TRERF1: variants seen among roughly 807,000 people sequenced by gnomAD.
The protein encoded by TRERF1 is transcriptional-regulating factor 1.
Under a neutral mutation model 122.9 loss-of-function variants are expected in TRERF1, and 27 were observed. That is an observed-to-expected ratio of 0.22 (90% CI 0.16 to 0.30). TRERF1 has a LOEUF of 0.30. Ranked by LOEUF, TRERF1 falls within the 10% of genes least tolerant of loss-of-function variation. The probability of loss-of-function intolerance (pLI) is 1.00; values close to 1 mark genes in which losing one functional copy is unlikely to be tolerated. For missense variants in TRERF1, 1,248 were observed against 1,560.3 expected, an observed-to-expected ratio of 0.80 and a Z score of 3.37; for synonymous variants, 636 against 641.7, an observed-to-expected ratio of 0.99 and a Z score of 0.13.
intron 8 of TRERF1, among the ~76,000 whole-genome samples, chr6:42,262,766 G>A (rs991330808): frequency 2.0e-5 from 3 of 152,158 alleles, no homozygotes; most frequent in African/African-American, 7.2e-5. Context: ...AACGAATTAG[G>A]TTCTCCAGGG....
intron 5 of TRERF1, among the ~76,000 whole-genome samples, chr6:42,266,571 C>T (rs1401135455): frequency 3.9e-5 from 6 of 152,122 alleles, no homozygotes; most frequent in Admixed American, 3.9e-4. Flanking sequence ...GGTTCTGAAC[C>T]CCAGACAAAA....
intron 2 of TRERF1, among the ~76,000 whole-genome samples, chr6:42,370,042 A>C (rs752990738): frequency 2.0e-5 from 3 of 152,086 alleles, no homozygotes; most frequent in Non-Finnish European, 4.4e-5. Context: ...ATCCCTTCTA[A>C]ATGTCTCCCC....
intron 2 of TRERF1, among the ~76,000 whole-genome samples, chr6:42,389,921 C>G (rs1176093333): frequency 6.6e-6 from 1 of 152,252 alleles, no homozygotes; most frequent in East Asian, 1.9e-4. Flanking sequence ...CTCTCTCCAT[C>G]TGGCCAGCCA....
At position 42,244,457 on chromosome 6, in the gene TRERF1, T is replaced by G. The variant is rs1034570932; in HGVS notation, c.2746-1096A>C. Among the ~76,000 whole-genome samples, 14 of 152,254 alleles carry G rather than the reference T, an allele frequency of 9.2e-5. No individual in the cohort carries two copies. The East Asian group carries it at 2.7e-3, about 29-fold the overall frequency. On this transcript the variant is annotated intron_variant, in intron 14 of 17. Transcript: ENST00000372922. Reference sequence around the variant, plus strand: ...CCTTGGCCTCCCAAAGTGCTGGGATTACAGGTGTGAGCCACTGTGCCTGGC... The same window carrying G: ...CCTTGGCCTCCCAAAGTGCTGGGATGACAGGTGTGAGCCACTGTGCCTGGC...
chr6:42,413,204 G>A (rs1781367075), intron 2 of TRERF1, among the ~76,000 whole-genome samples: 2 of 152,138 alleles, frequency 1.3e-5, no homozygotes, highest in African/African-American at 2.4e-5. Context: ...GAATTTCATT[G>A]CAATAGTTAG....
chr6:42,272,143 C>T (rs1218878708), intron 4 of TRERF1, among the ~76,000 whole-genome samples: 1 of 152,182 alleles, frequency 6.6e-6, no homozygotes, highest in African/African-American at 2.4e-5. Flanking sequence ...TGTGTGTAAA[C>T]TTAAAACTGT....
At chr6:42,345,853 C>A (rs1179563200) in intron 3 of TRERF1, among the ~76,000 whole-genome samples, 1 of 152,224 alleles carries the variant, frequency 6.6e-6, no homozygotes, top group Non-Finnish European at 1.5e-5. Context: ...CATAGGAAAC[C>A]AACCCAGTGA....
intron 4 of TRERF1, among the ~76,000 whole-genome samples, chr6:42,299,357 A>C (rs1019556006): frequency 2.6e-5 from 4 of 152,206 alleles, no homozygotes; most frequent in Non-Finnish European, 5.9e-5. Flanking sequence ...ACCTAAAAGA[A>C]AGAGCAGAAA....
chr6:42,377,126 A>G (rs1775032455), intron 2 of TRERF1, among the ~76,000 whole-genome samples: 1 of 152,294 alleles, frequency 6.6e-6, no homozygotes, highest in East Asian at 1.9e-4. Context: ...TCGGCCTCCC[A>G]AAGTGCTGGA....
intron 1 of TRERF1, 150 bp from the exon 2 acceptor site, chr6:42,451,411 G>GC (rs1275496800): frequency 6.6e-6 from 1 of 152,262 alleles, no homozygotes. Context: ...AGGGAACCTG[G>GC]CCCCTCGTCC....
rs260242 is a variant in TRERF1, at chr6:42,373,661, C to T, written c.-453-10582G>A. Among the ~76,000 whole-genome samples, 730 of 151,176 alleles carry T rather than the reference C, an allele frequency of 4.8e-3. 7 individuals carry two copies. Among genetic ancestry groups the T allele is most frequent in the African/African-American group, 0.017 (700 of 41,174 alleles). On this transcript the variant is annotated intron_variant, in intron 2 of 17. Transcript: ENST00000372922. ...CAGCCTGGGCAACAGAGTGAGACTC[C>T]GTCTAAAAAAACAAAAAAAATTAGC...
chr6:42,263,526 G>A lies in TRERF1; in HGVS notation c.1678C>T (p.Leu560=), dbSNP rs561414462. Residue 560 remains leucine, a synonymous_variant, in exon 8 of 18, where the codon CTG becomes TTG. Coordinates refer to ENST00000372922, the Ensembl canonical transcript of TRERF1. The surrounding 1 kb of genome is among the most constrained non-coding windows in gnomAD (Gnocchi z 5.6). ...GGCGGAGGCGGAGGCGGAGGCGGCAGTGGTGGCTGGGGCTGAGGCGGCAGG... is the reference window on the plus strand; with the variant it reads ...GGCGGAGGCGGAGGCGGAGGCGGCAATGGTGGCTGGGGCTGAGGCGGCAGG... 6 of 1,565,486 alleles carry A rather than the reference G, an allele frequency of 3.8e-6. No individual in the cohort carries two copies. Among genetic ancestry groups the A allele is most frequent in the Admixed American group, 1.8e-5 (1 of 55,468 alleles).
At chr6:42,283,051 G>A (rs984716288) in intron 4 of TRERF1, among the ~76,000 whole-genome samples, 3 of 152,080 alleles carry the variant, frequency 2.0e-5, no homozygotes, top group African/African-American at 7.2e-5. Context: ...ATACATCACA[G>A]CCTTCTCGTG....
At chr6:42,329,985 TC>T (rs1764979539) in intron 3 of TRERF1, among the ~76,000 whole-genome samples, 1 of 151,770 alleles carries the variant, frequency 6.6e-6, no homozygotes, top group Non-Finnish European at 1.5e-5. Context: ...CAAGACTCTG[TC>T]TTGGGGGAAA....
At chr6:42,317,573 T>G (rs1762701039) in intron 3 of TRERF1, among the ~76,000 whole-genome samples, 1 of 152,064 alleles carries the variant, frequency 6.6e-6, no homozygotes, top group South Asian at 2.1e-4. Flanking sequence ...CAGGCTGCTC[T>G]TGAACTCCTG....
Position 42,269,579 on chromosome 6 carries a change from C to T in TRERF1, c.12G>A (p.Gln4=), listed in dbSNP as rs1308973517. The change falls in exon 5 of 18, where the codon CAG becomes CAA. Residue 4 remains glutamine (Q), a synonymous_variant. Transcript: ENST00000372922. This position sits in a 1 kb window ranked among gnomAD's most constrained non-coding sequence, Gnocchi z 4.9. ...CCACATGGTTGGTCTTGTACAGTTG[C>T]TGGTCACCCATGCTGTCTGCCTTGG... 2.5e-6 allele frequency: 4 copies of T among 1,613,812 alleles called. No individual in the cohort carries two copies. The highest frequency in any genetic ancestry group is 1.7e-4 in the Middle Eastern group (1 of 6,046).
intron 4 of TRERF1, among the ~76,000 whole-genome samples, chr6:42,287,785 T>C (rs1278804671): frequency 6.6e-6 from 1 of 152,120 alleles, no homozygotes; most frequent in Non-Finnish European, 1.5e-5. Context: ...TCCATGCTCC[T>C]CTGGTCGGGT....
chr6:42,400,963 C>T (rs1157277472), intron 2 of TRERF1, among the ~76,000 whole-genome samples: 1 of 152,232 alleles, frequency 6.6e-6, no homozygotes, highest in Non-Finnish European at 1.5e-5. Context: ...GGACAGAATT[C>T]ACCACCTCTT....
At chr6:42,380,471 A>G (rs1775729612) in intron 2 of TRERF1, among the ~76,000 whole-genome samples, 1 of 152,206 alleles carries the variant, frequency 6.6e-6, no homozygotes, top group East Asian at 1.9e-4. Context: ...TGTGATGCTG[A>G]TAAAAACCCT....
Sources: gnomAD v4.1 joint callset for allele counts (sites outside exome capture counted in the v4.1 genomes callset) on GRCh38, gnomAD v4.1.1 for gene constraint, Gnocchi (gnomAD v3.1) non-coding constraint, MANE v1.5 for transcripts, NCBI Gene and HGNC (gene_info 2026-07-23, HGNC 2026-07-21) for gene names.